Variants in SOAT1 observed in about 807,000 individuals in gnomAD.
SOAT1 encodes the protein sterol O-acyltransferase 1, also known as acyl-coenzyme A:cholesterol acyltransferase 1.
Under a neutral mutation model 69.5 loss-of-function variants are expected in SOAT1, and 55 were observed. The observed-to-expected ratio is 0.79, with a 90% CI of 0.64 to 0.99. The LOEUF is 0.99. Among genes scored for constraint, SOAT1 ranks in the 50% least tolerant of loss-of-function variants. SOAT1 has a pLI of 0.00. For missense variants in SOAT1, 580 were observed against 669.3 expected (o/e 0.87, Z 1.47); for synonymous variants, 231 against 224.7 (o/e 1.03, Z -0.25).
rs1434788332 is a variant in SOAT1 at position 179,342,914 on chromosome 1, T to C, written c.912T>C (p.Pro304=). The change falls in exon 9 of 16, where the codon CCT becomes CCC. Residue 304 remains proline, a synonymous_variant. Coordinates refer to ENST00000367619, the MANE Select transcript of SOAT1 (RefSeq NM_003101.6). ...VNQYLYFLFA[P]TLIYRDSYPR... is the part of the protein sequence containing the mutation. ...AGTATTTGTACTTCTTATTTGCTCC[T>C]ACCCTTATCTACCGTGACAGCTATC... The C allele has an allele frequency of 1.2e-6, 2 of 1,613,692 alleles. No homozygotes were observed. Among genetic ancestry groups the C allele is most frequent in the Non-Finnish European group, 1.7e-6 (2 of 1,179,580 alleles).
intron 3 of SOAT1, among the ~76,000 whole-genome samples, chr1:179,334,057 C>T (rs1448403146): frequency 6.6e-6 from 1 of 152,130 alleles, no homozygotes; most frequent in Non-Finnish European, 1.5e-5. Flanking sequence ...TCTTGAGCCC[C>T]TTCATAGTCG....
chr1:179,297,198 C>T (rs765428496), intron 1 of SOAT1, among the ~76,000 whole-genome samples: 3 of 152,226 alleles, frequency 2.0e-5, no homozygotes, highest in Non-Finnish European at 4.4e-5. Flanking sequence ...AGAGACTAGT[C>T]TTATGATCAC....
chr1:179,344,827 G>T (rs1237626801), intron 10 of SOAT1, 120 bp from the exon 11 acceptor site: 2 of 876,804 alleles, frequency 2.3e-6, no homozygotes. Context: ...AGTGTTAAAT[G>T]GAATACATAT....
intron 15 of SOAT1, among the ~76,000 whole-genome samples, chr1:179,353,211 A>ATATATATATAAATATATATATATATATT (rs57930073): frequency 1.5e-5 from 1 of 64,522 alleles, no homozygotes; most frequent in East Asian, 4.6e-4. Context: ...ATATATAAAT[A>ATATATATATAAATATATATATATATATT]TATATATATA....
At chr1:179,349,709 T>C (rs1666658384) in intron 13 of SOAT1, among the ~76,000 whole-genome samples, 2 of 152,212 alleles carry the variant, frequency 1.3e-5, no homozygotes, top group African/African-American at 2.4e-5. Flanking sequence ...AGACATTCTT[T>C]AGAGCAGAAT....
chr1:179,296,657 A>T (rs886236778), intron 1 of SOAT1, among the ~76,000 whole-genome samples: 2 of 151,898 alleles, frequency 1.3e-5, no homozygotes, highest in African/African-American at 4.8e-5. Context: ...CCAGAGGGAA[A>T]TTTTTTTTGC....
At position 179,354,320 on chromosome 1, in the gene SOAT1, T is replaced by G. The variant is rs1666840938; in HGVS notation, c.*679T>G. The G allele has an allele frequency of 6.6e-6, 1 of 152,608 alleles. No homozygotes were observed. The highest frequency in any genetic ancestry group is 2.1e-4 in the South Asian group (1 of 4,824). The allele number at this position is 152,608 out of a possible 1,614,324, so 9.5% of individuals were successfully genotyped here. A position where few individuals can be genotyped will look rare whatever the true frequency, so the allele number is the denominator to read the frequency against. On this transcript the variant is annotated 3_prime_UTR_variant, in exon 16 of 16. Transcript: ENST00000367619. Reference sequence around the variant, plus strand: ...AATTCTTGAGTTTACATCAATAATATTGTATATTAAGGGGATCAGAAGTAG... The same window carrying G: ...AATTCTTGAGTTTACATCAATAATAGTGTATATTAAGGGGATCAGAAGTAG...
At chr1:179,326,744 G>A (rs1177773316) in intron 3 of SOAT1, among the ~76,000 whole-genome samples, 2 of 151,824 alleles carry the variant, frequency 1.3e-5, no homozygotes, top group African/African-American at 4.8e-5. Context: ...TTTTAGTAGA[G>A]GTGGGGTTTC....
At chr1:179,338,991 A>G (rs1040253003) in intron 5 of SOAT1, among the ~76,000 whole-genome samples, 6 of 152,170 alleles carry the variant, frequency 3.9e-5, no homozygotes, top group Non-Finnish European at 7.4e-5. Flanking sequence ...ATTCTAAAAG[A>G]AAATTAGACC....
At chr1:179,329,999 A>G (rs781605361) in intron 3 of SOAT1, among the ~76,000 whole-genome samples, 1 of 152,108 alleles carries the variant, frequency 6.6e-6, no homozygotes, top group Admixed American at 6.6e-5. Context: ...CTGCCTCACC[A>G]TTTGTAATTG....
intron 1 of SOAT1, among the ~76,000 whole-genome samples, chr1:179,296,963 T>G (rs1309867857): frequency 3.3e-5 from 5 of 152,236 alleles, no homozygotes; most frequent in African/African-American, 1.2e-4. Flanking sequence ...AAGAAATTCT[T>G]TTTCAATCAG....
chr1:179,300,149 A>T (rs1664787446), intron 1 of SOAT1, among the ~76,000 whole-genome samples: 1 of 151,978 alleles, frequency 6.6e-6, no homozygotes, highest in South Asian at 2.1e-4. Flanking sequence ...TGGCCAGAAA[A>T]AAAAAGTCTC....
chr1:179,302,731 C>T lies in SOAT1; in HGVS notation c.47C>T (p.Ser16Phe). The T allele has an allele frequency of 6.2e-7, 1 of 1,610,878 alleles. No homozygotes were observed. Among genetic ancestry groups the T allele is most frequent in the Non-Finnish European group, 8.5e-7 (1 of 1,179,146 alleles). The change falls in exon 2 of 16, where the codon TCC (serine) becomes TTC (phenylalanine). Residue 16 changes from serine (S) to phenylalanine (F), a missense_variant. Coordinates refer to ENST00000367619, the MANE Select transcript of SOAT1 (RefSeq NM_003101.6). ...TCTCTAAGAAACCGGCTGTCAAAGT[C>T]CAGGGAAAATCCTGAGGAAGATGAA... ...KMSLRNRLSKSRENPEEDEDQ... is the reference protein window; with the variant it reads ...KMSLRNRLSKFRENPEEDEDQ...
At chr1:179,337,010 A>G (rs959936582) in intron 4 of SOAT1, among the ~76,000 whole-genome samples, 9 of 150,962 alleles carry the variant, frequency 6.0e-5, no homozygotes, top group African/African-American at 1.7e-4. Context: ...AAAAAAAATC[A>G]TATCATTACG....
intron 2 of SOAT1, among the ~76,000 whole-genome samples, chr1:179,310,265 C>CTTT (rs34859522): frequency 0.47 from 66,671 of 143,002 alleles, 16,517 homozygotes; most frequent in East Asian, 0.82. Context: ...GAAAACATGA[C>CTTT]TTTTTTTTTT....
At chr1:179,325,884 T>C (rs1385746530) in intron 3 of SOAT1, among the ~76,000 whole-genome samples, 1 of 152,158 alleles carries the variant, frequency 6.6e-6, no homozygotes, top group Non-Finnish European at 1.5e-5. Context: ...AATTATGAAA[T>C]CTTTTAGCTT....
Position 179,355,189 on chromosome 1 carries a change from C to T in SOAT1, c.*1548C>T, listed in dbSNP as rs913833632. Reference sequence around the variant, plus strand: ...TTTAAAAAGGTACTCTGCATGTTCCCGCAGTAATGTTCTGCACAACAGTAT... The same window carrying T: ...TTTAAAAAGGTACTCTGCATGTTCCTGCAGTAATGTTCTGCACAACAGTAT... On this transcript the variant is annotated 3_prime_UTR_variant, in exon 16 of 16. Transcript: ENST00000367619. The T allele has an allele frequency of 1.3e-5, 2 of 152,138 alleles. No individual in the cohort carries two copies. The highest frequency in any genetic ancestry group is 2.4e-5 in the African/African-American group (1 of 41,434). The allele number at this position is 152,138 out of a possible 1,614,324, so 9.4% of individuals were successfully genotyped here.
At chr1:179,314,498 C>T (rs970008669) in intron 2 of SOAT1, among the ~76,000 whole-genome samples, 1 of 152,146 alleles carries the variant, frequency 6.6e-6, no homozygotes, top group Non-Finnish European at 1.5e-5. Flanking sequence ...TCCACATTTC[C>T]GTTTTTGCTA....
At chr1:179,334,205 A>G (rs1173924552) in intron 3 of SOAT1, among the ~76,000 whole-genome samples, 1 of 152,124 alleles carries the variant, frequency 6.6e-6, no homozygotes, top group Admixed American at 6.6e-5. Context: ...CTGGCACTGT[A>G]TTTTAGTCTA....
Sources: allele counts gnomAD v4.1 joint callset (sites outside exome capture counted in the v4.1 genomes callset), GRCh38; gene constraint gnomAD v4.1.1; transcripts MANE v1.5; gene names NCBI Gene and HGNC (gene_info 2026-07-23, HGNC 2026-07-21).